PRKAA2: variants seen among roughly 807,000 people sequenced by gnomAD.
PRKAA2 encodes the protein 5'-AMP-activated protein kinase catalytic subunit alpha-2.
In PRKAA2, 40 loss-of-function variants were observed where a neutral mutation model predicts 56.3. The observed-to-expected ratio is 0.71, with a 90% confidence interval of 0.55 to 0.92. The LOEUF (loss-of-function observed/expected upper bound fraction) is 0.92, where lower values mean the gene tolerates loss of function less well. Among genes scored for constraint, PRKAA2 ranks in the 40% least tolerant of loss-of-function variants. The probability of loss-of-function intolerance (pLI) is 0.00; values close to 1 mark genes in which losing one functional copy is unlikely to be tolerated. For missense variants in PRKAA2, 542 were observed against 686.9 expected, an observed-to-expected ratio of 0.79 and a Z score of 2.36; for synonymous variants, 214 against 234.2, an observed-to-expected ratio of 0.91 and a Z score of 0.79.
At position 56,699,439 on chromosome 1, in the gene PRKAA2, C is replaced by G. The variant is rs529813273; in HGVS notation, c.788+3280C>G. Among the ~76,000 whole-genome samples, 12 of 152,228 alleles carry G rather than the reference C, an allele frequency of 7.9e-5. No individual in the cohort carries two copies. In the East Asian group the frequency reaches 2.1e-3, roughly 27 times the overall value. ...TCATAAACATCCTAGTTACTGCTCA[C>G]TTTGGTAGAGTTAGTTCAGAAACTG... is the stretch of plus-strand genomic sequence containing the variant. On this transcript the variant is annotated intron_variant, in intron 6 of 8. Coordinates refer to ENST00000371244, the MANE Select transcript of PRKAA2 (RefSeq NM_006252.4).
chr1:56,684,172 G>A (rs569220508), intron 2 of PRKAA2, among the ~76,000 whole-genome samples: 33 of 152,192 alleles, frequency 2.2e-4, no homozygotes, highest in East Asian at 9.7e-4. Flanking sequence ...TGGCCTCGGC[G>A]AAAAAACAAG....
chr1:56,692,208 T>C (rs1644232952), intron 3 of PRKAA2, 150 bp from the exon 4 acceptor site: 8 of 875,558 alleles, frequency 9.1e-6, no homozygotes, highest in Non-Finnish European at 1.4e-5. Flanking sequence ...ATTTTTGTAT[T>C]TTTAGTAGAG....
chr1:56,705,846 C>A (rs983611037), intron 7 of PRKAA2, among the ~76,000 whole-genome samples: 6 of 152,074 alleles, frequency 3.9e-5, no homozygotes, highest in Non-Finnish European at 5.9e-5. Context: ...TTAAGTTTTT[C>A]CTTTATCTTT....
rs1644397032 is a variant in PRKAA2 at position 56,715,097 on chromosome 1, G to A, written c.*7384G>A. On this transcript the variant is annotated 3_prime_UTR_variant, in exon 9 of 9. Coordinates refer to ENST00000371244, the MANE Select transcript of PRKAA2 (RefSeq NM_006252.4). ...TCCGATTCAAATTTCAGTTTTGTTT[G>A]TTATATACTTTTTGTGAGTGTTAAA... 2 of 151,974 alleles carry A rather than the reference G, an allele frequency of 1.3e-5. No homozygotes were observed. The highest frequency in any genetic ancestry group is 2.9e-5 in the Non-Finnish European group (2 of 67,984). The allele number at this position is 151,974 out of a possible 1,614,324, so 9.4% of individuals were successfully genotyped here.
chr1:56,712,128 A>G lies in PRKAA2; in HGVS notation c.*4415A>G, dbSNP rs1054168409. On this transcript the variant is annotated 3_prime_UTR_variant, in exon 9 of 9. Transcript: ENST00000371244. ...TACTTACTATTACGATAACTTTGAGAGGTAACCAGAGAAAGCATTTTTGCC... is the reference window on the plus strand; with the variant it reads ...TACTTACTATTACGATAACTTTGAGGGGTAACCAGAGAAAGCATTTTTGCC... 1.3e-5 allele frequency: 2 copies of G among 152,204 alleles called. No individual in the cohort carries two copies. The highest frequency in any genetic ancestry group is 6.6e-5 in the Admixed American group (1 of 15,266). The allele number at this position is 152,204 out of a possible 1,614,324, so 9.4% of individuals were successfully genotyped here.
rs982029520 is a variant in PRKAA2, at chr1:56,713,280, G to A, written c.*5567G>A. The A allele has an allele frequency of 1.3e-5, 2 of 152,126 alleles. No homozygotes were observed. Among genetic ancestry groups the A allele is most frequent in the African/African-American group, 4.8e-5 (2 of 41,440 alleles). The allele number at this position is 152,126 out of a possible 1,614,324, so 9.4% of individuals were successfully genotyped here. A position where few individuals can be genotyped will look rare whatever the true frequency, so the allele number is the denominator to read the frequency against. Reference sequence around the variant, plus strand: ...CATAGCCTGATAAGAATCAGGCTGGGTCTAGAAGAGTTATCAGACTGTAGG... The same window carrying A: ...CATAGCCTGATAAGAATCAGGCTGGATCTAGAAGAGTTATCAGACTGTAGG... On this transcript the variant is annotated 3_prime_UTR_variant, in exon 9 of 9. Coordinates refer to ENST00000371244, the MANE Select transcript of PRKAA2 (RefSeq NM_006252.4).
intron 6 of PRKAA2, among the ~76,000 whole-genome samples, chr1:56,696,563 G>C (rs778195196): frequency 7.2e-5 from 11 of 152,022 alleles, no homozygotes; most frequent in Non-Finnish European, 7.4e-5. Context: ...TATGATATCA[G>C]GGTAGAGAGT....
chr1:56,685,499 A>C (rs1468730473), intron 2 of PRKAA2, among the ~76,000 whole-genome samples: 1 of 152,272 alleles, frequency 6.6e-6, no homozygotes. Context: ...AGCATTTAAG[A>C]TTTCATTAAA....
In PRKAA2 at chr1:56,710,034, C is replaced by A. The variant is rs1197561614; in HGVS notation, c.*2321C>A. 6.6e-6 allele frequency: 1 copy of A among 151,986 alleles called. No individual in the cohort carries two copies. Among genetic ancestry groups the A allele is most frequent in the African/African-American group, 2.4e-5 (1 of 41,394 alleles). The allele number at this position is 151,986 out of a possible 1,614,324, so 9.4% of individuals were successfully genotyped here. ...GAGATGCAGTCCAGCACAATTAGAG[C>A]TGGAACATTGTTACAGCAGGCTTTT... On this transcript the variant is annotated 3_prime_UTR_variant, in exon 9 of 9. Transcript: ENST00000371244.
In PRKAA2 at chr1:56,713,979, C is replaced by T. The variant is rs1354030905; in HGVS notation, c.*6266C>T. 6.6e-6 allele frequency: 1 copy of T among 151,838 alleles called. No individual in the cohort carries two copies. Among genetic ancestry groups the T allele is most frequent in the Non-Finnish European group, 1.5e-5 (1 of 67,944 alleles). The allele number at this position is 151,838 out of a possible 1,614,324, so 9.4% of individuals were successfully genotyped here. A position where few individuals can be genotyped will look rare whatever the true frequency, so the allele number is the denominator to read the frequency against. On this transcript the variant is annotated 3_prime_UTR_variant, in exon 9 of 9. Transcript: ENST00000371244. Reference sequence around the variant, plus strand: ...CTCTCAGTTCTCCTTAGATCTGCCTCCTACAAATGATCATGTTGTTTGCAT... The same window carrying T: ...CTCTCAGTTCTCCTTAGATCTGCCTTCTACAAATGATCATGTTGTTTGCAT...
rs375567942 is a variant in PRKAA2, at chr1:56,690,811, T to G, written c.237-583T>G. ...TATGTTGCCCAGGCTGGTAAAATACTGACTTTAGAAGATATATTCCACTTA... is the reference window on the plus strand; with the variant it reads ...TATGTTGCCCAGGCTGGTAAAATACGGACTTTAGAAGATATATTCCACTTA... On this transcript the variant is annotated intron_variant, in intron 2 of 8. Transcript: ENST00000371244. Among the ~76,000 whole-genome samples the G allele has an allele frequency of 1.4e-4, 22 of 152,340 alleles. No individual in the cohort carries two copies. In the East Asian group the frequency reaches 2.3e-3, roughly 16 times the overall value.
intron 1 of PRKAA2, among the ~76,000 whole-genome samples, chr1:56,660,017 TA>T (rs1413494640): frequency 2.0e-5 from 3 of 152,238 alleles, no homozygotes; most frequent in Non-Finnish European, 4.4e-5. Context: ...CTGATCTATG[TA>T]AAATAGCCCA....
chr1:56,650,323 G>A (rs1200630808), intron 1 of PRKAA2, among the ~76,000 whole-genome samples: 3 of 152,054 alleles, frequency 2.0e-5, no homozygotes, highest in African/African-American at 7.2e-5. Context: ...GGTTGCTGAG[G>A]GACTGTTTTT....
rs1416283033 is a variant in PRKAA2, at chr1:56,714,184, T to C, written c.*6471T>C. The C allele has an allele frequency of 6.6e-6, 1 of 152,216 alleles. No homozygotes were observed. The highest frequency in any genetic ancestry group is 2.4e-5 in the African/African-American group (1 of 41,464). The allele number at this position is 152,216 out of a possible 1,614,324, so 9.4% of individuals were successfully genotyped here. On this transcript the variant is annotated 3_prime_UTR_variant, in exon 9 of 9. Transcript: ENST00000371244. ...TTGATGAATGGCAGTTTTTATATTT[T>C]AACCCTTTAAAAAGTTTGTCAAGGA... is the stretch of plus-strand genomic sequence containing the variant.
At chr1:56,651,649 C>T (rs935773741) in intron 1 of PRKAA2, among the ~76,000 whole-genome samples, 1 of 152,040 alleles carries the variant, frequency 6.6e-6, no homozygotes, top group Non-Finnish European at 1.5e-5. Flanking sequence ...GTCTTTCAGT[C>T]CATATTTAGA....
At position 56,698,422 on chromosome 1, in the gene PRKAA2, G is replaced by A. The variant is rs1319435658; in HGVS notation, c.788+2263G>A. ...TACATCATGATTTATGTATCTGTTT[G>A]CCCCTATTAAATTATAAATTACTTT... On this transcript the variant is annotated intron_variant, in intron 6 of 8. Coordinates refer to ENST00000371244, the MANE Select transcript of PRKAA2 (RefSeq NM_006252.4). Among the ~76,000 whole-genome samples, 5 of 152,180 alleles carry A rather than the reference G, an allele frequency of 3.3e-5. No homozygotes were observed. In the East Asian group the frequency reaches 9.7e-4, roughly 29 times the overall value.
rs1023951725 is a variant in PRKAA2, at chr1:56,709,814, G to T, written c.*2101G>T. On this transcript the variant is annotated 3_prime_UTR_variant, in exon 9 of 9. Coordinates refer to ENST00000371244, the MANE Select transcript of PRKAA2 (RefSeq NM_006252.4). ...GTTCATATCAAAATTACCTTATATG[G>T]ATTATTGCCATGTTTTTTGAGAGTT... The T allele has an allele frequency of 6.6e-6, 1 of 152,080 alleles. No homozygotes were observed. The highest frequency in any genetic ancestry group is 1.5e-5 in the Non-Finnish European group (1 of 67,974). The allele number at this position is 152,080 out of a possible 1,614,324, so 9.4% of individuals were successfully genotyped here. A position where few individuals can be genotyped will look rare whatever the true frequency, so the allele number is the denominator to read the frequency against.
intron 1 of PRKAA2, among the ~76,000 whole-genome samples, chr1:56,668,616 T>G (rs10789040): frequency 0.42 from 63,436 of 151,734 alleles, 13,780 homozygotes; most frequent in Middle Eastern, 0.52. Flanking sequence ...TGGCCCCAAA[T>G]AATTATTTTT....
intron 5 of PRKAA2, among the ~76,000 whole-genome samples, chr1:56,694,845 C>T (rs1277529814): frequency 2.0e-5 from 3 of 151,966 alleles, no homozygotes; most frequent in Admixed American, 2.0e-4. Context: ...AACAATACAG[C>T]AAATGATGTA....
Sources: allele counts gnomAD v4.1 joint callset (sites outside exome capture counted in the v4.1 genomes callset), GRCh38; gene constraint gnomAD v4.1.1; transcripts MANE v1.5; gene names NCBI Gene and HGNC (gene_info 2026-07-23, HGNC 2026-07-21).